ANP32A: variants seen among roughly 807,000 people sequenced by gnomAD.
ANP32A encodes acidic nuclear phosphoprotein 32 family member A.
Under a neutral mutation model 33.9 loss-of-function variants are expected in ANP32A, and 1 was observed. That is an observed-to-expected ratio of 0.03 (90% confidence interval 0.01 to 0.14). The LOEUF is 0.14. ANP32A is among the 10% of genes least tolerant of loss of function. The probability of loss-of-function intolerance (pLI) is 1.00; values close to 1 mark genes in which losing one functional copy is unlikely to be tolerated. For missense variants in ANP32A, 155 were observed against 306.0 expected, an observed-to-expected ratio of 0.51 and a Z score of 3.68; for synonymous variants, 115 against 120.5, an observed-to-expected ratio of 0.95 and a Z score of 0.30.
intron 1 of ANP32A, among the ~76,000 whole-genome samples, chr15:68,818,549 CGAGGCTGG>C (rs1894422435): frequency 6.6e-6 from 1 of 152,022 alleles, no homozygotes; most frequent in Admixed American, 6.5e-5. Flanking sequence ...GTGTGGGCCG[CGAGGCTGG>C]GAGGCGAGGG....
chr15:68,794,908 T>A (rs1894043446), intron 1 of ANP32A, among the ~76,000 whole-genome samples: 1 of 152,228 alleles, frequency 6.6e-6, no homozygotes, highest in African/African-American at 2.4e-5. Context: ...AAAACAAAAC[T>A]TAACACTTGC....
rs542285844 is a variant in ANP32A at position 68,785,300 on chromosome 15, C to T, written c.328-705G>A. 1.4e-4 allele frequency among the ~76,000 whole-genome samples: 21 copies of T among 152,274 alleles called. No individual in the cohort carries two copies. The South Asian group carries it at 2.7e-3, about 20-fold the overall frequency. On this transcript the variant is annotated intron_variant, in intron 3 of 6. Transcript: ENST00000465139. ...TGCTCTGTCAAAGCTTTACACCAGA[C>T]GGGTTCTAGCCAATGTTATCCCTGT...
intron 1 of ANP32A, among the ~76,000 whole-genome samples, chr15:68,819,626 G>A (rs1894442834): frequency 6.6e-6 from 1 of 152,246 alleles, no homozygotes; most frequent in South Asian, 2.1e-4. Flanking sequence ...TTATTAAGCA[G>A]GCGCCGAATG....
intron 1 of ANP32A, among the ~76,000 whole-genome samples, chr15:68,788,233 T>G (rs1360364073): frequency 6.6e-6 from 1 of 152,182 alleles, no homozygotes; most frequent in African/African-American, 2.4e-5. Flanking sequence ...CTGCTGCCTC[T>G]GCAAGGTTGG....
At chr15:68,798,146 G>A (rs1006441339) in intron 1 of ANP32A, among the ~76,000 whole-genome samples, 1 of 152,242 alleles carries the variant, frequency 6.6e-6, no homozygotes, top group East Asian at 1.9e-4. Context: ...TGCGGGAGCT[G>A]TCTGCTTAGG....
chr15:68,818,693 A>T (rs531093930), intron 1 of ANP32A, among the ~76,000 whole-genome samples: 209 of 152,158 alleles, frequency 1.4e-3, no homozygotes, highest in African/African-American at 5.0e-3. Context: ...GGGGGCCGGC[A>T]GCGTCGGTCG....
chr15:68,819,148 C>T (rs573233621), intron 1 of ANP32A, among the ~76,000 whole-genome samples: 2 of 152,256 alleles, frequency 1.3e-5, no homozygotes, highest in South Asian at 4.1e-4. Flanking sequence ...TCGGGTTTAA[C>T]GGGCTAGAGG....
chr15:68,818,233 C>T lies in ANP32A; in HGVS notation c.54+2465G>A, dbSNP rs558735152. The T allele has an allele frequency of 4.8e-3, 1,230 of 254,354 alleles. 6 individuals are homozygous for T. Among genetic ancestry groups the T allele is most frequent in the Non-Finnish European group, 6.6e-3 (790 of 119,996 alleles). The allele number at this position is 254,354 out of a possible 1,614,324, so 15.8% of individuals were successfully genotyped here. ...GGAGGGGCGGGGCGTGCGGCGCGAG[C>T]CCCGGGAAACATGGCTGCTCGTCCT... On this transcript the variant is annotated intron_variant, in intron 1 of 6. Transcript: ENST00000465139.
intron 1 of ANP32A, among the ~76,000 whole-genome samples, chr15:68,816,728 A>G (rs749405500): frequency 6.6e-6 from 1 of 152,194 alleles, no homozygotes; most frequent in Non-Finnish European, 1.5e-5. Context: ...CCAAGGTCAC[A>G]AGGGCAGGTA....
rs181036768 is a variant in ANP32A, at chr15:68,779,799, G to A, written c.*282C>T. ...AGAGTCAGGAACAAATGCTCACTTA[G>A]TGTGTACTTAGCTATCGCATTTACA... On this transcript the variant is annotated 3_prime_UTR_variant, in exon 7 of 7. Coordinates refer to ENST00000465139, the MANE Select transcript of ANP32A (RefSeq NM_006305.4). 2 of 404,340 alleles carry A rather than the reference G, an allele frequency of 4.9e-6. No homozygotes were observed. Among genetic ancestry groups the A allele is most frequent in the Admixed American group, 4.0e-5 (1 of 24,692 alleles). The allele number at this position is 404,340 out of a possible 1,614,324, so 25.0% of individuals were successfully genotyped here.
At chr15:68,816,823 A>T (rs1380488532) in intron 1 of ANP32A, among the ~76,000 whole-genome samples, 1 of 152,200 alleles carries the variant, frequency 6.6e-6, no homozygotes, top group Admixed American at 6.5e-5. Context: ...GGAGCCCCTC[A>T]GACTCGAAAC....
In ANP32A at chr15:68,788,040, ACTT is replaced by A. The variant is rs1338649838; in HGVS notation, c.55-124_55-122del. On this transcript the variant is annotated intron_variant, in intron 1 of 6. Transcript: ENST00000465139. ...GCAGGAAGCAGTCAGTCACTCCGTC[ACTT>A]CTTCTAGCTTTCCGGATCACTGTGC... 1.7e-5 allele frequency: 21 copies of A among 1,233,732 alleles called. 1 individual carries two copies. The highest frequency in any genetic ancestry group is 1.5e-4 in the South Asian group (11 of 74,018). 76.4% of individuals were successfully genotyped at this position (1,233,732 alleles called of 1,614,324 possible). A position where few individuals can be genotyped will look rare whatever the true frequency, so the allele number is the denominator to read the frequency against.
chr15:68,800,580 T>C (rs1000263178), intron 1 of ANP32A, among the ~76,000 whole-genome samples: 8 of 151,514 alleles, frequency 5.3e-5, no homozygotes, highest in South Asian at 2.1e-4. Flanking sequence ...CCGACTCTAC[T>C]AAAAATACAA....
intron 3 of ANP32A, among the ~76,000 whole-genome samples, chr15:68,786,588 A>G (rs1202296596): frequency 6.6e-6 from 1 of 152,126 alleles, no homozygotes. Flanking sequence ...ATGTATATTC[A>G]CAACAGGTGT....
In ANP32A at chr15:68,780,131, C is replaced by A; in HGVS notation, c.700G>T (p.Gly234Cys). ...TCAGGTTCTCGTTTTCGCTTCTGAC[C>A]CCTTTCTTCTTCTGGAAAAGTAAGA... Reference protein sequence around the residue: ...DEEELGEEERGQKRKREPEDE... With the variant: ...DEEELGEEERCQKRKREPEDE... Residue 234 changes from glycine to cysteine, a missense_variant, in exon 7 of 7, where the codon GGT (glycine) becomes TGT (cysteine). Gly to Cys is a radical substitution (Grantham distance 159). Transcript: ENST00000465139. The surrounding 1 kb of genome is among the most constrained non-coding windows in gnomAD (Gnocchi z 4.3). 1 of 1,613,656 alleles carries A rather than the reference C, an allele frequency of 6.2e-7. No individual in the cohort carries two copies. The highest frequency in any genetic ancestry group is 8.5e-7 in the Non-Finnish European group (1 of 1,179,690).
chr15:68,790,065 G>C (rs913453109), intron 1 of ANP32A: 2 of 152,346 alleles, frequency 1.3e-5, no homozygotes, highest in Admixed American at 1.3e-4. Context: ...AACTGTGTTG[G>C]GGGAGGGGAG....
At chr15:68,808,037 G>T (rs1411079979) in intron 1 of ANP32A, among the ~76,000 whole-genome samples, 9 of 152,184 alleles carry the variant, frequency 5.9e-5, no homozygotes, top group Admixed American at 5.9e-4. Context: ...GATGTGGGGG[G>T]CAGGTCAAGG....
chr15:68,803,798 C>CTTTT lies in ANP32A; in HGVS notation c.55-15883_55-15880dup, dbSNP rs3985625. On this transcript the variant is annotated intron_variant, in intron 1 of 6. Transcript: ENST00000465139. ...GGTTTTATGTGCTCTATTTCACAAA[C>CTTTT]TTTTTTTTTTTTTTTTTTTTTTGAG... Among the ~76,000 whole-genome samples the CTTTT allele has an allele frequency of 6.5e-3, 661 of 101,124 alleles. 23 individuals carry two copies. The highest frequency in any genetic ancestry group is 0.019 in the African/African-American group (514 of 26,532). 66.3% of individuals were successfully genotyped at this position (101,124 alleles called of 152,430 possible). A position where few individuals can be genotyped will look rare whatever the true frequency, so the allele number is the denominator to read the frequency against.
At chr15:68,787,721 C>T (rs763703773) in intron 2 of ANP32A, 49 bp downstream of exon 2, 3 of 1,609,996 alleles carry the variant, frequency 1.9e-6, no homozygotes, top group Non-Finnish European at 2.5e-6. Flanking sequence ...ATAACCCTTC[C>T]CACTCCCCAC....
Sources: allele counts gnomAD v4.1 joint callset (sites outside exome capture counted in the v4.1 genomes callset), GRCh38; gene constraint gnomAD v4.1.1; non-coding constraint Gnocchi (gnomAD v3.1); transcripts MANE v1.5; gene names NCBI Gene and HGNC (gene_info 2026-07-23, HGNC 2026-07-21).